The following STPG2 variants were observed in gnomAD, a reference collection of about 807,000 sequenced individuals.
STPG2 encodes sperm-tail PG-rich repeat-containing protein 2.
Under a neutral mutation model 54.2 loss-of-function variants are expected in STPG2, and 56 were observed. The observed-to-expected ratio is 1.03, with a 90% CI of 0.83 to 1.29. STPG2 has a LOEUF of 1.29. STPG2 is among the 50% of genes most tolerant of loss of function. STPG2 has a pLI of 0.00. For missense variants in STPG2, 596 were observed against 544.9 expected (o/e 1.09, Z -0.93); for synonymous variants, 200 against 181.8 (o/e 1.10, Z -0.81).
At chr4:98,053,708 G>T (rs1001709258) in intron 5 of STPG2, among the ~76,000 whole-genome samples, 8 of 150,868 alleles carry the variant, frequency 5.3e-5, no homozygotes, top group African/African-American at 1.7e-4. Flanking sequence ...ATTGCCTTGA[G>T]ACATAATTGT....
chr4:98,077,408 A>G (rs1738206200), intron 5 of STPG2, among the ~76,000 whole-genome samples: 1 of 152,070 alleles, frequency 6.6e-6, no homozygotes, highest in Non-Finnish European at 1.5e-5. Context: ...ACGCCCGCCT[A>G]ATTTTTTGTA....
chr4:98,087,566 T>TC (rs1170409138), intron 5 of STPG2, among the ~76,000 whole-genome samples: 1 of 148,740 alleles, frequency 6.7e-6, no homozygotes, highest in African/African-American at 2.5e-5. Flanking sequence ...TTTTCTTTTT[T>TC]TTTTTTTTTT....
At chr4:98,141,621 TAA>T (rs1349054970) in intron 1 of STPG2, among the ~76,000 whole-genome samples, 1 of 152,230 alleles carries the variant, frequency 6.6e-6, no homozygotes, top group East Asian at 1.9e-4. Flanking sequence ...ATGTATTTAT[TAA>T]GTGTACTTGA....
intron 8 of STPG2, among the ~76,000 whole-genome samples, chr4:97,931,621 A>T (rs1397775881): frequency 6.6e-6 from 1 of 152,144 alleles, no homozygotes; most frequent in African/African-American, 2.4e-5. Context: ...AATATTCAAT[A>T]AAGATGTTGG....
intron 9 of STPG2, among the ~76,000 whole-genome samples, chr4:97,758,535 C>T (rs868131969): frequency 1.1e-4 from 17 of 152,068 alleles, no homozygotes; most frequent in Non-Finnish European, 2.4e-4. Flanking sequence ...GAAAACCAAG[C>T]ACCGCATGTT....
chr4:97,441,520 AC>A (rs923357414), intron 4 of STPG2: 2 of 152,002 alleles, frequency 1.3e-5, no homozygotes, highest in Non-Finnish European at 2.9e-5. Context: ...AATAGATATT[AC>A]CTTTGGACTA....
intron 3 of STPG2, among the ~76,000 whole-genome samples, chr4:98,115,356 A>C (rs1372636757): frequency 6.6e-6 from 1 of 151,924 alleles, no homozygotes; most frequent in Non-Finnish European, 1.5e-5. Context: ...TGTGAAATAC[A>C]CCTCTGAAAA....
At chr4:98,025,621 T>G (rs950315759) in intron 5 of STPG2, 1 of 770,312 alleles carries the variant, frequency 1.3e-6, no homozygotes. Flanking sequence ...GTGCAGCATA[T>G]GCACACGAAC....
intron 4 of STPG2, among the ~76,000 whole-genome samples, chr4:97,537,471 C>A (rs1302526390): frequency 6.6e-6 from 1 of 152,230 alleles, no homozygotes; most frequent in African/African-American, 2.4e-5. Context: ...TGAGATCGAA[C>A]TGCAAGGCAG....
Position 97,490,355 on chromosome 4 carries a change from C to T in STPG2, c.462+222344G>A, listed in dbSNP as rs148052372. ...TTCTTTCAGTCTTCTTTCTACTTAA[C>T]CTCTCTTCAGCCATTGGCAATATTA... On this transcript the variant is annotated intron_variant, in intron 4 of 4. Coordinates refer to the STPG2 transcript ENST00000522676. Among the ~76,000 whole-genome samples, 274 of 151,634 alleles carry T rather than the reference C, an allele frequency of 1.8e-3. 1 individual carries two copies. The highest frequency in any genetic ancestry group is 6.3e-3 in the African/African-American group (261 of 41,460).
chr4:97,872,021 A>G (rs1028406884), intron 8 of STPG2, among the ~76,000 whole-genome samples: 5 of 151,176 alleles, frequency 3.3e-5, no homozygotes, highest in African/African-American at 1.2e-4. Context: ...CCATGTTAAT[A>G]TCTCTAAAAA....
chr4:97,838,527 T>C (rs561283933), intron 9 of STPG2, among the ~76,000 whole-genome samples: 219 of 151,124 alleles, frequency 1.4e-3, no homozygotes, highest in African/African-American at 5.0e-3. Flanking sequence ...GTTATATTGA[T>C]CAAAAAAAAC....
In STPG2 at chr4:98,124,128, T is replaced by C. The variant is rs1299137561; in HGVS notation, c.387+4300A>G. On this transcript the variant is annotated intron_variant, in intron 3 of 10. Coordinates refer to ENST00000295268, the MANE Select transcript of STPG2 (RefSeq NM_174952.3). ...CACACCGATGGATCTTGACTGTTTA[T>C]GTGGCCTGCTATTCTGTGTCTTTTA... 2.6e-5 allele frequency among the ~76,000 whole-genome samples: 4 copies of C among 152,202 alleles called. No individual in the cohort carries two copies. In the South Asian group the frequency reaches 6.2e-4, roughly 24 times the overall value.
intron 4 of STPG2, among the ~76,000 whole-genome samples, chr4:97,478,394 G>C (rs1730130289): frequency 6.6e-6 from 1 of 152,050 alleles, no homozygotes; most frequent in African/African-American, 2.4e-5. Flanking sequence ...ACAGTGACCT[G>C]ATCATTTTAT....
At chr4:98,140,501 G>A (rs1740251281) in intron 1 of STPG2, among the ~76,000 whole-genome samples, 2 of 152,014 alleles carry the variant, frequency 1.3e-5, no homozygotes, top group African/African-American at 4.8e-5. Context: ...ACTAAGTCAA[G>A]GACAGCTAAA....
chr4:97,843,148 A>T (rs1195840979), intron 8 of STPG2, among the ~76,000 whole-genome samples: 1 of 151,828 alleles, frequency 6.6e-6, no homozygotes, highest in Non-Finnish European at 1.5e-5. Context: ...AATGGATATA[A>T]TAGACATTTC....
chr4:97,808,926 T>C (rs1044311529), intron 9 of STPG2, among the ~76,000 whole-genome samples: 1 of 151,916 alleles, frequency 6.6e-6, no homozygotes, highest in African/African-American at 2.4e-5. Context: ...AAATAATTAA[T>C]AACAGTCTCA....
At chr4:97,828,987 G>A (rs1013516736) in intron 9 of STPG2, among the ~76,000 whole-genome samples, 3 of 152,188 alleles carry the variant, frequency 2.0e-5, no homozygotes, top group Non-Finnish European at 2.9e-5. Flanking sequence ...GGCTCTGAGA[G>A]CAGCAGATCT....
chr4:97,681,796 T>G (rs1198734401), intron 10 of STPG2, among the ~76,000 whole-genome samples: 2 of 151,758 alleles, frequency 1.3e-5, no homozygotes, highest in African/African-American at 2.4e-5. Flanking sequence ...TAATGTATTT[T>G]TATGTCCTGT....
Sources: gnomAD v4.1 joint callset for allele counts (sites outside exome capture counted in the v4.1 genomes callset) on GRCh38, gnomAD v4.1.1 for gene constraint, MANE v1.5 for transcripts, NCBI Gene and HGNC (gene_info 2026-07-23, HGNC 2026-07-21) for gene names.